The following RBFOX1 variants were observed in gnomAD, a reference collection of about 807,000 sequenced individuals.
RBFOX1 encodes the protein RNA binding fox-1 homolog 1, also known as RNA binding protein fox-1 homolog 1.
Under a neutral mutation model 57.7 loss-of-function variants are expected in RBFOX1, and 8 were observed. That is an observed-to-expected ratio of 0.14 (90% CI 0.08 to 0.25). The LOEUF (loss-of-function observed/expected upper bound fraction) is 0.25. RBFOX1 is among the 10% of genes least tolerant of loss of function. The pLI is 1.00. For synonymous variants in RBFOX1, 326 were observed against 222.4 expected, an observed-to-expected ratio of 1.47 and a Z score of -4.15; for missense variants, 611 against 548.5, an observed-to-expected ratio of 1.11 and a Z score of -1.14.
chr16:5,691,839 A>G (rs941143995), intron 3 of RBFOX1, among the ~76,000 whole-genome samples: 3 of 152,142 alleles, frequency 2.0e-5, no homozygotes, highest in Non-Finnish European at 4.4e-5. Flanking sequence ...CTGTCCCACA[A>G]ATAGGTGCCA....
intron 1 of RBFOX1, among the ~76,000 whole-genome samples, chr16:6,189,359 T>A (rs2097127692): frequency 6.6e-6 from 1 of 152,248 alleles, no homozygotes; most frequent in South Asian, 2.1e-4. Flanking sequence ...TAGTGCGCGC[T>A]GGTTCACAGG....
At chr16:6,813,771 C>T (rs977588634) in intron 3 of RBFOX1, among the ~76,000 whole-genome samples, 2 of 152,212 alleles carry the variant, frequency 1.3e-5, no homozygotes, top group African/African-American at 4.8e-5. Flanking sequence ...CCAATGGCAG[C>T]AGGCACCTGC....
intron 2 of RBFOX1, among the ~76,000 whole-genome samples, chr16:6,634,620 G>A (rs938767449): frequency 2.1e-5 from 3 of 142,726 alleles, no homozygotes; most frequent in African/African-American, 7.6e-5. Flanking sequence ...TATGATTAAA[G>A]TATTATATAA....
At chr16:6,058,312 T>TCCTCCCTCCTCTCCTC (rs2095639764) in intron 1 of RBFOX1, among the ~76,000 whole-genome samples, 1 of 151,084 alleles carries the variant, frequency 6.6e-6, no homozygotes, top group East Asian at 2.0e-4. Context: ...CTCCTCTTCT[T>TCCTCCCTCCTCTCCTC]CCTCCCTCCT....
At chr16:6,622,336 A>T (rs749730849) in intron 2 of RBFOX1, among the ~76,000 whole-genome samples, 3 of 152,084 alleles carry the variant, frequency 2.0e-5, no homozygotes, top group Non-Finnish European at 4.4e-5. Flanking sequence ...TATCTTTTAT[A>T]TTTTTATCGT....
intron 4 of RBFOX1, among the ~76,000 whole-genome samples, chr16:5,972,610 C>T (rs904787424): frequency 3.9e-5 from 6 of 152,148 alleles, no homozygotes; most frequent in Non-Finnish European, 5.9e-5. Context: ...TAATTGGTTG[C>T]GGGCAATCAG....
intron 2 of RBFOX1, among the ~76,000 whole-genome samples, chr16:6,539,995 T>C (rs1286047204): frequency 6.6e-6 from 1 of 152,132 alleles, no homozygotes; most frequent in African/African-American, 2.4e-5. Flanking sequence ...AAAGGAACTT[T>C]GTTACTTTCA....
In RBFOX1 at chr16:7,567,485, CCCT is replaced by C. The variant is rs1567867309; in HGVS notation, c.271-12291_271-12289del. Among the ~76,000 whole-genome samples the C allele has an allele frequency of 2.3e-3, 172 of 74,764 alleles. 15 individuals are homozygous for C. Among genetic ancestry groups the C allele is most frequent in the South Asian group, 3.5e-3 (11 of 3,106 alleles). 49.0% of individuals were successfully genotyped at this position (74,764 alleles called of 152,430 possible). A position where few individuals can be genotyped will look rare whatever the true frequency, so the allele number is the denominator to read the frequency against. ...CCTATATATATATCCCTATGTATGG[CCCT>C]ATATGTATATCCCTATGTATGGCCC... On this transcript the variant is annotated intron_variant, in intron 5 of 15. Coordinates refer to ENST00000550418, the MANE Select transcript of RBFOX1 (RefSeq NM_018723.4).
chr16:7,402,156 G>C (rs1464010915), intron 4 of RBFOX1, among the ~76,000 whole-genome samples: 1 of 152,068 alleles, frequency 6.6e-6, no homozygotes, highest in East Asian at 1.9e-4. Context: ...TATATATTGT[G>C]TTATAAAACT....
In RBFOX1 at chr16:5,378,857, A is replaced by C. The variant is rs570912253; in HGVS notation, c.220-88359A>C. ...GAAAATGTTTGCACAATAAATGTTCATTTTATGATTATGGATTAGGCAGAG... is the reference window on the plus strand; with the variant it reads ...GAAAATGTTTGCACAATAAATGTTCCTTTTATGATTATGGATTAGGCAGAG... On this transcript the variant is annotated intron_variant, in intron 1 of 2. Coordinates refer to the RBFOX1 transcript ENST00000585867. 5.3e-4 allele frequency among the ~76,000 whole-genome samples: 80 copies of C among 151,684 alleles called. 6 individuals carry two copies. The highest frequency in any genetic ancestry group is 1.9e-3 in the African/African-American group (78 of 40,950).
At chr16:6,633,497 T>C (rs2098406634) in intron 2 of RBFOX1, among the ~76,000 whole-genome samples, 1 of 152,122 alleles carries the variant, frequency 6.6e-6, no homozygotes. Flanking sequence ...TTTCACCATG[T>C]TGAGCCGGCT....
chr16:7,518,569 C>T (rs1300902688), intron 5 of RBFOX1, among the ~76,000 whole-genome samples, 180 bp downstream of exon 5: 1 of 152,140 alleles, frequency 6.6e-6, no homozygotes, highest in East Asian at 1.9e-4. Flanking sequence ...TCATTCTTAG[C>T]GTTCATTTAA....
chr16:6,904,222 C>T (rs941745958), intron 3 of RBFOX1, among the ~76,000 whole-genome samples: 1 of 152,260 alleles, frequency 6.6e-6, no homozygotes, highest in South Asian at 2.1e-4. Context: ...TTTTGATGCA[C>T]ATGTGTGTTC....
chr16:6,613,059 T>G (rs1024570715), intron 2 of RBFOX1, among the ~76,000 whole-genome samples: 3 of 149,394 alleles, frequency 2.0e-5, no homozygotes, highest in Non-Finnish European at 1.5e-5. Flanking sequence ...GTGTGTGTGT[T>G]TTGGAATTCA....
intron 4 of RBFOX1, among the ~76,000 whole-genome samples, chr16:7,190,635 A>C (rs1047731861): frequency 1.3e-5 from 2 of 152,090 alleles, no homozygotes; most frequent in Non-Finnish European, 2.9e-5. Context: ...TGGTATTGCT[A>C]CTCAGAAACC....
chr16:7,266,396 C>T (rs1366125294), intron 4 of RBFOX1, among the ~76,000 whole-genome samples: 3 of 152,222 alleles, frequency 2.0e-5, no homozygotes, highest in African/African-American at 7.2e-5. Flanking sequence ...CGAAAGTCCC[C>T]TGAGGCTTCG....
chr16:6,897,211 C>T (rs2067155934), intron 3 of RBFOX1, among the ~76,000 whole-genome samples: 1 of 152,208 alleles, frequency 6.6e-6, no homozygotes, highest in Non-Finnish European at 1.5e-5. Context: ...AACCCTACTT[C>T]ATAACTTCTA....
intron 2 of RBFOX1, among the ~76,000 whole-genome samples, chr16:6,616,381 G>A (rs565943069): frequency 7.0e-6 from 1 of 142,662 alleles, no homozygotes. Context: ...AAAATGTTTG[G>A]TTTTTTTTTT....
At chr16:7,311,560 A>C (rs2096309851) in intron 4 of RBFOX1, among the ~76,000 whole-genome samples, 1 of 151,108 alleles carries the variant, frequency 6.6e-6, no homozygotes, top group South Asian at 2.1e-4. Flanking sequence ...AAACAGTAAC[A>C]AACATCCCCG....
Sources: gnomAD v4.1 joint callset for allele counts (sites outside exome capture counted in the v4.1 genomes callset) on GRCh38, gnomAD v4.1.1 for gene constraint, MANE v1.5 for transcripts, NCBI Gene and HGNC (gene_info 2026-07-23, HGNC 2026-07-21) for gene names.